Variants in SLC4A4 observed in about 807,000 individuals in gnomAD.
SLC4A4 encodes electrogenic sodium bicarbonate cotransporter 1.
SLC4A4 carries 27 observed loss-of-function variants against 111.5 expected under a neutral mutation model. The ratio of observed to expected loss-of-function variants is 0.24; its 90% CI spans 0.18 to 0.33. SLC4A4 has a LOEUF of 0.33. Ranked by LOEUF, SLC4A4 falls within the 10% of genes least tolerant of loss-of-function variation. The probability of loss-of-function intolerance (pLI) is 1.00; values close to 1 mark genes in which losing one functional copy is unlikely to be tolerated. For synonymous variants in SLC4A4, 443 were observed against 463.4 expected, an observed-to-expected ratio of 0.96 and a Z score of 0.57; for missense variants, 909 against 1,315.5, an observed-to-expected ratio of 0.69 and a Z score of 4.78.
rs1306868074 is a variant in SLC4A4, at chr4:71,105,281, C to A, written c.-2+12489C>A. Among the ~76,000 whole-genome samples, 191 of 150,216 alleles carry A rather than the reference C, an allele frequency of 1.3e-3. 3 individuals carry two copies. Among genetic ancestry groups the A allele is most frequent in the African/African-American group, 4.6e-3 (186 of 40,552 alleles). ...TCAATGAAATAAAAGAGGATACAAA[C>A]AAATGGAAGAACATTCTATGCTCAT... On this transcript the variant is annotated intron_variant, in intron 2 of 26. Coordinates refer to the SLC4A4 transcript ENST00000649996.
At chr4:71,086,248 T>C (rs1742166756) in intron 1 of SLC4A4, among the ~76,000 whole-genome samples, 1 of 151,698 alleles carries the variant, frequency 6.6e-6, no homozygotes, top group African/African-American at 2.4e-5. Flanking sequence ...TTTTGCATAT[T>C]GATTTTGTAT....
intron 1 of SLC4A4, among the ~76,000 whole-genome samples, chr4:71,064,536 T>C (rs1293669354): frequency 1.3e-5 from 2 of 152,144 alleles, no homozygotes; most frequent in East Asian, 1.9e-4. Context: ...TTGGATAAAA[T>C]TGAACCCGTA....
chr4:71,419,643 C>G (rs147919803), intron 7 of SLC4A4, among the ~76,000 whole-genome samples: 6,576 of 152,338 alleles, frequency 0.043, 189 homozygotes, highest in Middle Eastern at 0.082. Flanking sequence ...ACCCCTTGTG[C>G]TTCCCGAGTG....
chr4:71,350,568 G>A (rs1224890802), intron 5 of SLC4A4, among the ~76,000 whole-genome samples: 1 of 151,880 alleles, frequency 6.6e-6, no homozygotes, highest in Non-Finnish European at 1.5e-5. Flanking sequence ...GAAAAGTGTG[G>A]GGCTTCTTTG....
In SLC4A4 at chr4:71,543,926, T is replaced by C. The variant is rs114584687; in HGVS notation, c.2443-2424T>C. Among the ~76,000 whole-genome samples the C allele has an allele frequency of 1.9e-3, 283 of 152,224 alleles. 1 individual carries two copies. The highest frequency in any genetic ancestry group is 6.4e-3 in the African/African-American group (264 of 41,568). On this transcript the variant is annotated intron_variant, in intron 18 of 25. Transcript: ENST00000264485. Reference sequence around the variant, plus strand: ...TTTTTTTCATGGCTAAACAAGAGTTTATAATTGCCAGTAAGGGGAGTATAT... The same window carrying C: ...TTTTTTTCATGGCTAAACAAGAGTTCATAATTGCCAGTAAGGGGAGTATAT...
At chr4:71,088,266 C>T (rs1487410384) in intron 1 of SLC4A4, among the ~76,000 whole-genome samples, 2 of 151,120 alleles carry the variant, frequency 1.3e-5, no homozygotes, top group African/African-American at 4.9e-5. Context: ...GGTAGATCTT[C>T]CTCCATCCCT....
At chr4:71,397,694 G>A (rs768564079) in intron 7 of SLC4A4, 41 bp downstream of exon 7, 20 of 1,514,040 alleles carry the variant, frequency 1.3e-5, no homozygotes, top group African/African-American at 1.1e-4. Context: ...GTAAGAGAAC[G>A]TATATCTAAA....
chr4:71,130,430 G>C (rs988806247), intron 2 of SLC4A4, among the ~76,000 whole-genome samples: 2 of 151,976 alleles, frequency 1.3e-5, no homozygotes, highest in African/African-American at 4.8e-5. Context: ...AGAGAAGGGG[G>C]TCTCACTTTT....
At chr4:71,285,215 T>G (rs556211240) in intron 3 of SLC4A4, among the ~76,000 whole-genome samples, 1 of 152,268 alleles carries the variant, frequency 6.6e-6, no homozygotes, top group East Asian at 1.9e-4. Context: ...GATATTTGCT[T>G]AACTCAAGAT....
At chr4:71,069,917 C>T (rs1741623508) in intron 1 of SLC4A4, among the ~76,000 whole-genome samples, 3 of 151,958 alleles carry the variant, frequency 2.0e-5, no homozygotes, top group Admixed American at 2.0e-4. Context: ...TTATGCTTTC[C>T]AAATGTCTCA....
At chr4:71,392,616 T>C (rs1392120261) in intron 6 of SLC4A4, among the ~76,000 whole-genome samples, 1 of 152,046 alleles carries the variant, frequency 6.6e-6, no homozygotes, top group African/African-American at 2.4e-5. Flanking sequence ...TGGTACTAAA[T>C]CTTTTGACAC....
At position 71,385,791 on chromosome 4, in the gene SLC4A4, G is replaced by A. The variant is rs1424176268; in HGVS notation, c.731-11786G>A. 7.9e-5 allele frequency among the ~76,000 whole-genome samples: 12 copies of A among 152,014 alleles called. No individual in the cohort carries two copies. In the South Asian group the frequency reaches 1.9e-3, roughly 24 times the overall value. ...TCCCTTGATATCTCCTTGCAGATTC[G>A]CCCCTCCTGTTAGCTCCTCTCTTCC... On this transcript the variant is annotated intron_variant, in intron 6 of 25. Transcript: ENST00000264485.
chr4:71,100,487 A>G (rs1742694956), intron 2 of SLC4A4, among the ~76,000 whole-genome samples: 1 of 152,214 alleles, frequency 6.6e-6, no homozygotes, highest in Non-Finnish European at 1.5e-5. Flanking sequence ...CACAGTCAAC[A>G]TCATACTGGA....
chr4:71,419,640 G>C (rs1445348553), intron 7 of SLC4A4, among the ~76,000 whole-genome samples: 3 of 152,242 alleles, frequency 2.0e-5, no homozygotes, highest in African/African-American at 4.8e-5. Flanking sequence ...CTGACCCCTT[G>C]TGCTTCCCGA....
chr4:71,205,863 A>G (rs1578593057), intron 1 of SLC4A4, among the ~76,000 whole-genome samples: 1 of 152,208 alleles, frequency 6.6e-6, no homozygotes, highest in South Asian at 2.1e-4. Flanking sequence ...TGGAAAGGTA[A>G]TGATCAAGAT....
In SLC4A4 at chr4:71,570,953, G is replaced by A. The variant is rs1737900186; in HGVS notation, c.*3202G>A. Reference sequence around the variant, plus strand: ...AGGACTTAACTGACTTAAGAAGTAGGAAAACAAAAACCTCTCTCCTCAGCC... The same window carrying A: ...AGGACTTAACTGACTTAAGAAGTAGAAAAACAAAAACCTCTCTCCTCAGCC... On this transcript the variant is annotated 3_prime_UTR_variant, in exon 26 of 26. Transcript: ENST00000264485. 6.6e-6 allele frequency: 1 copy of A among 152,100 alleles called. No individual in the cohort carries two copies. Among genetic ancestry groups the A allele is most frequent in the Non-Finnish European group, 1.5e-5 (1 of 67,806 alleles). 9.4% of individuals were successfully genotyped at this position (152,100 alleles called of 1,614,324 possible).
chr4:71,202,217 T>A (rs1050871784), intron 1 of SLC4A4, among the ~76,000 whole-genome samples: 3 of 152,238 alleles, frequency 2.0e-5, no homozygotes. Context: ...ATTCCATAAA[T>A]ATAGAGCAAA....
intron 2 of SLC4A4, among the ~76,000 whole-genome samples, chr4:71,099,034 G>T (rs1255864031): frequency 6.6e-6 from 1 of 152,068 alleles, no homozygotes; most frequent in Non-Finnish European, 1.5e-5. Flanking sequence ...TCTACTGACA[G>T]TATTAGATAG....
chr4:71,193,402 G>A (rs191238292), intron 1 of SLC4A4, among the ~76,000 whole-genome samples: 41 of 152,234 alleles, frequency 2.7e-4, no homozygotes, highest in East Asian at 2.3e-3. Flanking sequence ...CTCGTGATCC[G>A]CCCGCCTTGG....
Sources: gnomAD v4.1 joint callset for allele counts (sites outside exome capture counted in the v4.1 genomes callset) on GRCh38, gnomAD v4.1.1 for gene constraint, MANE v1.5 for transcripts, NCBI Gene and HGNC (gene_info 2026-07-23, HGNC 2026-07-21) for gene names.